Variants in TNKS2 observed in about 807,000 individuals in gnomAD.
The protein encoded by TNKS2 is poly [ADP-ribose] polymerase tankyrase-2.
Under a neutral mutation model 137.6 loss-of-function variants are expected in TNKS2, and 72 were observed. That is an observed-to-expected ratio of 0.52 (90% CI 0.43 to 0.64). The LOEUF is 0.64. TNKS2 is among the 30% of genes least tolerant of loss of function. TNKS2 has a pLI of 0.00. For missense variants in TNKS2, 1,049 were observed against 1,410.2 expected, an observed-to-expected ratio of 0.74 and a Z score of 4.10; for synonymous variants, 516 against 512.1, an observed-to-expected ratio of 1.01 and a Z score of -0.10.
chr10:91,847,595 C>T, intron 18 of TNKS2, among the ~76,000 whole-genome samples: 1 of 80,668 alleles, frequency 1.2e-5, no homozygotes, highest in East Asian at 5.3e-4. Context: ...CTCAAGTGAT[C>T]GACCCACCTC....
rs567922456 is a variant in TNKS2, at chr10:91,824,123, A to G, written c.795+1761A>G. Among the ~76,000 whole-genome samples the G allele has an allele frequency of 2.6e-5, 4 of 152,352 alleles. No homozygotes were observed. The East Asian group carries it at 7.7e-4, about 29-fold the overall frequency. On this transcript the variant is annotated intron_variant, in intron 7 of 26. Coordinates refer to ENST00000371627, the MANE Select transcript of TNKS2 (RefSeq NM_025235.4). ...GAATGAAAGGCTGACTAGAGGTCATACCTACAGAGGGAGTTAGCTAATGTG... is the reference window on the plus strand; with the variant it reads ...GAATGAAAGGCTGACTAGAGGTCATGCCTACAGAGGGAGTTAGCTAATGTG...
chr10:91,840,150 G>A lies in TNKS2; in HGVS notation c.1528-411G>A, dbSNP rs529937494. On this transcript the variant is annotated intron_variant, in intron 13 of 26. Coordinates refer to ENST00000371627, the MANE Select transcript of TNKS2 (RefSeq NM_025235.4). ...AGGCCAGGAGTTCAAGACCATCCTG[G>A]CCAACATGGTGAAACCCCGCCTCTA... Among the ~76,000 whole-genome samples, 81 of 152,280 alleles carry A rather than the reference G, an allele frequency of 5.3e-4. 1 individual carries two copies. In the South Asian group the frequency reaches 0.011, roughly 20 times the overall value.
At chr10:91,822,227 A>T (rs1487071475) in intron 6 of TNKS2, 69 bp from the exon 7 acceptor site, 1 of 1,217,004 alleles carries the variant, frequency 8.2e-7, no homozygotes, top group Non-Finnish European at 1.2e-6. Context: ...AATAAATTTT[A>T]ATTTATAAAT....
intron 11 of TNKS2, among the ~76,000 whole-genome samples, chr10:91,833,581 A>G (rs1841891098): frequency 6.6e-6 from 1 of 152,180 alleles, no homozygotes; most frequent in South Asian, 2.1e-4. Context: ...GGCAGTGTCT[A>G]GCTCTAAATA....
In TNKS2 at chr10:91,820,036, A is replaced by G. The variant is rs375986893; in HGVS notation, c.728+3A>G. Reference sequence around the variant, plus strand: ...GATGTCCATGCTAAAGATAAAGGGTAAGCATTTGAACAAAAACAAGGACTT... The same window carrying G: ...GATGTCCATGCTAAAGATAAAGGGTGAGCATTTGAACAAAAACAAGGACTT... On this transcript the variant is annotated splice_donor_region_variant and intron_variant, in intron 6 of 26. Coordinates refer to ENST00000371627, the MANE Select transcript of TNKS2 (RefSeq NM_025235.4). 17 of 1,551,858 alleles carry G rather than the reference A, an allele frequency of 1.1e-5. No individual in the cohort carries two copies. In the African/African-American group the frequency reaches 2.2e-4, roughly 20 times the overall value.
At chr10:91,817,052 CA>C (rs1844725891) in intron 2 of TNKS2, 81 bp from the exon 3 acceptor site, 1 of 927,678 alleles carries the variant, frequency 1.1e-6, no homozygotes, top group South Asian at 1.5e-5. Context: ...TTTGCTGGAC[CA>C]GACTTCTTGA....
In TNKS2 at chr10:91,848,677, G is replaced by A. The variant is rs371189215; in HGVS notation, c.2611+42G>A. The stretch of plus-strand genomic sequence containing the variant: ...AAATAACTTTCTAACTGGTATTGTA[G>A]CCCCGTATTTGTCATTTGGGATGCT... On this transcript the variant is annotated intron_variant, in intron 19 of 26. Transcript: ENST00000371627. 3.8e-6 allele frequency: 6 copies of A among 1,599,542 alleles called. No homozygotes were observed. The African/African-American group carries it at 8.1e-5, about 22-fold the overall frequency.
chr10:91,855,377 G>A (rs563973393), intron 22 of TNKS2, among the ~76,000 whole-genome samples: 5 of 151,744 alleles, frequency 3.3e-5, no homozygotes, highest in Non-Finnish European at 7.4e-5. Flanking sequence ...TAGTAGAGAT[G>A]GGGTTTCGCC....
chr10:91,824,030 A>T (rs1037292152), intron 7 of TNKS2, among the ~76,000 whole-genome samples: 6 of 152,100 alleles, frequency 3.9e-5, no homozygotes, highest in African/African-American at 1.5e-4. Context: ...GAAACATCAA[A>T]CAGATTGCAC....
chr10:91,864,308 A>G lies in TNKS2; in HGVS notation c.*1309A>G, dbSNP rs41286942. On this transcript the variant is annotated 3_prime_UTR_variant, in exon 27 of 27. Transcript: ENST00000371627. ...ATAGAAGGAAATGCTGTCCCATAAA[A>G]TGCCATTCCTATTTTCTAATATAAA... is the stretch of plus-strand genomic sequence containing the variant. 0.014 allele frequency: 2,179 copies of G among 152,708 alleles called. 38 individuals are homozygous for G. Among genetic ancestry groups the G allele is most frequent in the Middle Eastern group, 0.031 (9 of 294 alleles). 9.5% of individuals were successfully genotyped at this position (152,708 alleles called of 1,614,324 possible). A position where few individuals can be genotyped will look rare whatever the true frequency, so the allele number is the denominator to read the frequency against.
Position 91,862,016 on chromosome 10 carries a change from G to A in TNKS2, c.3299G>A (p.Arg1100Gln), listed in dbSNP as rs371518074. The A allele has an allele frequency of 1.2e-5, 19 of 1,608,016 alleles. No homozygotes were observed. The highest frequency in any genetic ancestry group is 6.7e-5 in the East Asian group (3 of 44,604). ...YICHRQLLFC[R>Q]VTLGKSFLQF... is the part of the protein sequence containing the mutation. ...TTTTATAGGCAGCTGCTCTTTTGCC[G>A]GGTAACCTTGGGAAAGTCTTTCCTG... The change falls in exon 26 of 27, where the codon CGG becomes CAG. Residue 1100 changes from arginine to glutamine, a missense_variant. Arg to Gln is a conservative substitution (Grantham distance 43). Around this residue, in one of 6 missense-constraint regions of TNKS2, gnomAD observed 133 missense variants for 248.4 expected, o/e 0.54. Coordinates refer to ENST00000371627, the MANE Select transcript of TNKS2 (RefSeq NM_025235.4).
intron 17 of TNKS2, among the ~76,000 whole-genome samples, chr10:91,845,388 C>T (rs763796769): frequency 1.3e-5 from 2 of 152,204 alleles, no homozygotes; most frequent in Non-Finnish European, 2.9e-5. Flanking sequence ...TCCAATGTGA[C>T]ATTCAAAATT....
chr10:91,836,410 C>T (rs1361592664), intron 12 of TNKS2, among the ~76,000 whole-genome samples: 3 of 152,148 alleles, frequency 2.0e-5, no homozygotes, highest in African/African-American at 7.2e-5. Context: ...TTTTCTGACA[C>T]TTTAAATGAG....
At chr10:91,847,612 C>G (rs1249605641) in intron 18 of TNKS2, among the ~76,000 whole-genome samples, 1 of 152,180 alleles carries the variant, frequency 6.6e-6, no homozygotes, top group Non-Finnish European at 1.5e-5. Flanking sequence ...CCTCGGCCTC[C>G]CAAAGTGCTG....
intron 11 of TNKS2, among the ~76,000 whole-genome samples, chr10:91,832,766 G>A (rs569612593): frequency 6.6e-6 from 1 of 152,180 alleles, no homozygotes; most frequent in South Asian, 2.1e-4. Context: ...TCCATAGCAG[G>A]GAGGTAGGGA....
At chr10:91,810,920 CTTTTTTTTTT>C (rs35240102) in intron 1 of TNKS2, among the ~76,000 whole-genome samples, 22 of 50,124 alleles carry the variant, frequency 4.4e-4, no homozygotes, top group Non-Finnish European at 6.5e-4. Context: ...CTTTTCTTTT[CTTTTTTTTTT>C]TTTTTTTTTT....
At chr10:91,853,844 G>A (rs1005081185) in intron 21 of TNKS2, among the ~76,000 whole-genome samples, 1 of 152,190 alleles carries the variant, frequency 6.6e-6, no homozygotes, top group Admixed American at 6.5e-5. Context: ...TTCATCTCCA[G>A]AGACAAACTT....
chr10:91,834,669 A>G (rs1841940743), intron 12 of TNKS2, among the ~76,000 whole-genome samples: 1 of 152,232 alleles, frequency 6.6e-6, no homozygotes, highest in African/African-American at 2.4e-5. Context: ...TCTGGGAACC[A>G]CGTTTTGAGA....
intron 1 of TNKS2, among the ~76,000 whole-genome samples, chr10:91,810,302 T>C (rs1844455160): frequency 6.6e-6 from 1 of 151,610 alleles, no homozygotes; most frequent in African/African-American, 2.4e-5. Flanking sequence ...CGCTTAAGCC[T>C]GGGAGGCAGA....
Sources: allele counts gnomAD v4.1 joint callset (sites outside exome capture counted in the v4.1 genomes callset), GRCh38; gene constraint gnomAD v4.1.1; regional missense constraint gnomAD v4.1.1; transcripts MANE v1.5; gene names NCBI Gene and HGNC (gene_info 2026-07-23, HGNC 2026-07-21).